Variants in KCNH7 observed in about 807,000 individuals in gnomAD.
KCNH7 encodes potassium voltage-gated channel subfamily H member 7, also known as voltage-gated inwardly rectifying potassium channel KCNH7.
Under a neutral mutation model 120.8 loss-of-function variants are expected in KCNH7, and 49 were observed. The observed-to-expected ratio is 0.41, with a 90% CI of 0.32 to 0.51. The LOEUF (loss-of-function observed/expected upper bound fraction) is 0.51. Ranked by LOEUF, KCNH7 falls within the 20% of genes least tolerant of loss-of-function variation. The pLI is 0.38. For missense variants in KCNH7, 1,097 were observed against 1,446.6 expected (o/e 0.76, Z 3.92); for synonymous variants, 547 against 516.1 (o/e 1.06, Z -0.81).
intron 2 of KCNH7, among the ~76,000 whole-genome samples, chr2:162,694,984 A>C (rs1268968455): frequency 1.3e-5 from 2 of 151,720 alleles, no homozygotes; most frequent in Non-Finnish European, 2.9e-5. Context: ...ATAGTGATCC[A>C]CCCGCCTCGG....
intron 2 of KCNH7, among the ~76,000 whole-genome samples, chr2:162,625,629 T>C (rs367754090): frequency 3.3e-5 from 5 of 152,110 alleles, no homozygotes; most frequent in East Asian, 1.9e-4. Flanking sequence ...AATATCAATA[T>C]AAGAGTCTTC....
chr2:162,728,777 TCAAAA>T (rs1472659948), intron 2 of KCNH7, among the ~76,000 whole-genome samples: 3 of 152,136 alleles, frequency 2.0e-5, no homozygotes, highest in African/African-American at 4.8e-5. Flanking sequence ...AAACTCCATC[TCAAAA>T]CAAAACAAAA....
intron 2 of KCNH7, among the ~76,000 whole-genome samples, chr2:162,698,485 T>C (rs527469886): frequency 6.6e-6 from 1 of 152,038 alleles, no homozygotes; most frequent in South Asian, 2.1e-4. Context: ...CTTATTAATA[T>C]GCCATTTAAA....
At chr2:162,731,911 T>C (rs1356777741) in intron 2 of KCNH7, among the ~76,000 whole-genome samples, 1 of 152,164 alleles carries the variant, frequency 6.6e-6, no homozygotes, top group Admixed American at 6.5e-5. Context: ...AATATAAATA[T>C]AAGAAGAAGC....
intron 7 of KCNH7, 42 bp from the exon 8 acceptor site, chr2:162,435,639 A>T (rs762600065): frequency 5.9e-6 from 9 of 1,524,394 alleles, no homozygotes; most frequent in Non-Finnish European, 7.9e-6. Context: ...GTCGGCAAAC[A>T]ATTCAAAGTA....
chr2:162,752,191 T>C (rs1688575032), intron 2 of KCNH7, among the ~76,000 whole-genome samples: 1 of 152,150 alleles, frequency 6.6e-6, no homozygotes, highest in Non-Finnish European at 1.5e-5. Flanking sequence ...GGGTCATACT[T>C]TGAAATTAGC....
chr2:162,811,243 A>C (rs994899332), intron 2 of KCNH7, among the ~76,000 whole-genome samples: 2 of 152,184 alleles, frequency 1.3e-5, no homozygotes, highest in Admixed American at 6.5e-5. Flanking sequence ...ATTTTAAAAA[A>C]TCTGTCTAGC....
At chr2:162,836,501 A>G (rs370545234) in intron 2 of KCNH7, 36 bp downstream of exon 2, 4 of 1,538,428 alleles carry the variant, frequency 2.6e-6, no homozygotes, top group Non-Finnish European at 3.6e-6. Context: ...TTTCAATGGG[A>G]TCAAATAGAA....
intron 2 of KCNH7, among the ~76,000 whole-genome samples, chr2:162,669,348 G>A (rs1251698535): frequency 6.6e-6 from 1 of 152,060 alleles, no homozygotes; most frequent in Non-Finnish European, 1.5e-5. Flanking sequence ...TCAAAGACAA[G>A]TTAAATAAGA....
intron 2 of KCNH7, among the ~76,000 whole-genome samples, chr2:162,786,529 A>G (rs1464271661): frequency 4.6e-5 from 7 of 152,198 alleles, no homozygotes; most frequent in Admixed American, 4.6e-4. Flanking sequence ...TTTAAAATGC[A>G]TATGATTTTT....
rs74951426 is a variant in KCNH7, at chr2:162,813,420, G to T, written c.307+23117C>A. Among the ~76,000 whole-genome samples the T allele has an allele frequency of 9.9e-3, 1,514 of 152,278 alleles. 15 individuals are homozygous for T. Among genetic ancestry groups the T allele is most frequent in the Non-Finnish European group, 0.017 (1,154 of 68,014 alleles). On this transcript the variant is annotated intron_variant, in intron 2 of 15. Transcript: ENST00000332142. Reference sequence around the variant, plus strand: ...ACTAGGGAAGAAAACTTTATTAGAGGAGGTGTAAAATACCAGACTGCCATC... The same window carrying T: ...ACTAGGGAAGAAAACTTTATTAGAGTAGGTGTAAAATACCAGACTGCCATC...
intron 12 of KCNH7, among the ~76,000 whole-genome samples, chr2:162,387,484 CT>C (rs532104742): frequency 1.2e-4 from 18 of 150,534 alleles, no homozygotes; most frequent in Admixed American, 2.0e-4. Context: ...GTATCAGGTA[CT>C]TTTTTTTTCT....
At chr2:162,759,789 TGA>T (rs1688907185) in intron 2 of KCNH7, among the ~76,000 whole-genome samples, 1 of 152,084 alleles carries the variant, frequency 6.6e-6, no homozygotes, top group Non-Finnish European at 1.5e-5. Context: ...ATTTTTAAAA[TGA>T]GAGAATTTTG....
At position 162,569,037 on chromosome 2, in the gene KCNH7, G is replaced by T. The variant is rs1693366480; in HGVS notation, c.308-31957C>A. ...CGGCTTTGGTATCAGGATGATGCTG[G>T]TCTCATAAAATGAGTTAGGGAGGAT... On this transcript the variant is annotated intron_variant, in intron 2 of 15. Transcript: ENST00000332142. 2.0e-5 allele frequency among the ~76,000 whole-genome samples: 3 copies of T among 152,186 alleles called. No individual in the cohort carries two copies. The Middle Eastern group carries it at 0.01, about 518-fold the overall frequency.
chr2:162,658,118 T>C (rs1684833364), intron 2 of KCNH7, among the ~76,000 whole-genome samples: 1 of 151,456 alleles, frequency 6.6e-6, no homozygotes, highest in Non-Finnish European at 1.5e-5. Context: ...GACGGCCAAC[T>C]ATAAACCAGG....
rs748426163 is a variant in KCNH7, at chr2:162,512,722, C to T, written c.893-48G>A. The T allele has an allele frequency of 8.7e-5, 127 of 1,454,044 alleles. 1 individual carries two copies. The East Asian group carries it at 2.9e-3, about 34-fold the overall frequency. 90.1% of individuals were successfully genotyped at this position (1,454,044 alleles called of 1,614,324 possible). A position where few individuals can be genotyped will look rare whatever the true frequency, so the allele number is the denominator to read the frequency against. ...AAAAAAGAGAAATATAAAAAGAAGA[C>T]TAAAATTATATTATATACACTGAAT... On this transcript the variant is annotated intron_variant, in intron 4 of 15. Coordinates refer to ENST00000332142, the MANE Select transcript of KCNH7 (RefSeq NM_033272.4).
intron 2 of KCNH7, among the ~76,000 whole-genome samples, chr2:162,711,080 T>C (rs1045169558): frequency 2.0e-5 from 3 of 152,170 alleles, no homozygotes; most frequent in Non-Finnish European, 4.4e-5. Context: ...TGAAAAAATA[T>C]TTGTCTAAAA....
intron 2 of KCNH7, among the ~76,000 whole-genome samples, chr2:162,609,479 T>G (rs534786761): frequency 1.3e-5 from 2 of 152,270 alleles, no homozygotes; most frequent in African/African-American, 4.8e-5. Context: ...TCCCTTGCGT[T>G]GTTGTCCTTA....
At chr2:162,385,058 G>T in intron 12 of KCNH7, 119 bp from the exon 13 acceptor site, 1 of 692,744 alleles carries the variant, frequency 1.4e-6, no homozygotes, top group Non-Finnish European at 2.3e-6. Context: ...TGAAAATGTA[G>T]CTACTTGGGT....
Sources: gnomAD v4.1 joint callset for allele counts (sites outside exome capture counted in the v4.1 genomes callset) on GRCh38, gnomAD v4.1.1 for gene constraint, MANE v1.5 for transcripts, NCBI Gene and HGNC (gene_info 2026-07-23, HGNC 2026-07-21) for gene names.